The following ARMC3 variants were observed in gnomAD, a reference collection of about 807,000 sequenced individuals.
The protein encoded by ARMC3 is armadillo repeat containing 3, also known as armadillo repeat-containing protein 3.
Under a neutral mutation model 90.3 loss-of-function variants are expected in ARMC3, and 74 were observed. That is an observed-to-expected ratio of 0.82 (90% confidence interval 0.68 to 0.99). The LOEUF is 0.99. ARMC3 is among the 50% of genes least tolerant of loss of function. The probability of loss-of-function intolerance (pLI) is 0.00; values close to 1 mark genes in which losing one functional copy is unlikely to be tolerated. For missense variants in ARMC3, 958 were observed against 1,042.8 expected (o/e 0.92, Z 1.12); for synonymous variants, 334 against 361.8 (o/e 0.92, Z 0.87).
chr10:23,002,213 C>A (rs996304400), intron 12 of ARMC3, among the ~76,000 whole-genome samples, 158 bp downstream of exon 12: 1 of 152,230 alleles, frequency 6.6e-6, no homozygotes, highest in Non-Finnish European at 1.5e-5. Flanking sequence ...TTGGAAGGAA[C>A]CACCTGGAGG....
chr10:22,949,715 C>G (rs552113666), intron 3 of ARMC3, among the ~76,000 whole-genome samples: 1 of 152,196 alleles, frequency 6.6e-6, no homozygotes, highest in South Asian at 2.1e-4. Context: ...CAAACTTTCC[C>G]TAAATCTGAT....
intron 5 of ARMC3, 120 bp from the exon 6 acceptor site, chr10:22,959,277 TAA>T (rs1835090849): frequency 2.3e-6 from 3 of 1,328,524 alleles, no homozygotes; most frequent in Non-Finnish European, 3.1e-6. Flanking sequence ...TTTGAGTTTA[TAA>T]AAGAGGTGAG....
At chr10:22,972,666 C>A (rs1835726279) in intron 8 of ARMC3, among the ~76,000 whole-genome samples, 1 of 152,122 alleles carries the variant, frequency 6.6e-6, no homozygotes, top group South Asian at 2.1e-4. Context: ...CCGAAGAATT[C>A]AGATCTTGTT....
intron 8 of ARMC3, among the ~76,000 whole-genome samples, chr10:22,973,877 G>A (rs1835796901): frequency 6.8e-6 from 1 of 148,134 alleles, no homozygotes; most frequent in Admixed American, 6.8e-5. Context: ...TGCTGCCTCA[G>A]CCTCCCTAGT....
At chr10:22,937,033 G>T (rs966047640) in intron 2 of ARMC3, among the ~76,000 whole-genome samples, 1 of 151,976 alleles carries the variant, frequency 6.6e-6, no homozygotes, top group African/African-American at 2.4e-5. Flanking sequence ...CTCTTGAGTA[G>T]CCGGGACTAA....
chr10:22,931,366 A>G (rs1437258086), intron 1 of ARMC3, among the ~76,000 whole-genome samples: 2 of 152,230 alleles, frequency 1.3e-5, no homozygotes, highest in Non-Finnish European at 2.9e-5. Context: ...TCCCCAGAAT[A>G]TATCTCTTCA....
Position 22,998,131 on chromosome 10 carries a change from C to G in ARMC3, c.1176-17C>G. 1 of 1,609,102 alleles carries G rather than the reference C, an allele frequency of 6.2e-7. No homozygotes were observed. Among genetic ancestry groups the G allele is most frequent in the Non-Finnish European group, 8.5e-7 (1 of 1,176,792 alleles). ...GAATTCAGATGAATCACATTCATTT[C>G]TCTTTCATTTACTCAGCGCTGCTGC... On this transcript the variant is annotated splice_polypyrimidine_tract_variant and intron_variant, in intron 10 of 18. Coordinates refer to ENST00000298032, the MANE Select transcript of ARMC3 (RefSeq NM_173081.5).
chr10:22,939,334 T>C (rs1309676324), intron 2 of ARMC3, among the ~76,000 whole-genome samples: 1 of 152,180 alleles, frequency 6.6e-6, no homozygotes, highest in Non-Finnish European at 1.5e-5. Context: ...CTAATCTGTA[T>C]GGGGTGGAAC....
chr10:22,949,439 T>A (rs1445216916), intron 3 of ARMC3, among the ~76,000 whole-genome samples: 1 of 152,170 alleles, frequency 6.6e-6, no homozygotes, highest in East Asian at 1.9e-4. Flanking sequence ...CAAATACAAC[T>A]TCTAGAGATG....
At chr10:22,939,839 C>A (rs1047049565) in intron 2 of ARMC3, among the ~76,000 whole-genome samples, 1 of 151,926 alleles carries the variant, frequency 6.6e-6, no homozygotes, top group Non-Finnish European at 1.5e-5. Flanking sequence ...ACTAAAAAAA[C>A]CCAATCAACT....
At chr10:23,007,716 AAGAG>A (rs66842579) in intron 14 of ARMC3, among the ~76,000 whole-genome samples, 67,149 of 107,706 alleles carry the variant, frequency 0.62, 18,645 homozygotes, top group Non-Finnish European at 0.7. Context: ...AAAAAAAAAA[AAGAG>A]AGAGAGCGAG....
At chr10:22,969,549 T>C (rs554817216) in intron 8 of ARMC3, among the ~76,000 whole-genome samples, 2 of 152,366 alleles carry the variant, frequency 1.3e-5, no homozygotes, top group East Asian at 3.9e-4. Context: ...CAGTATGTAG[T>C]GTGCATAGAG....
chr10:23,006,909 CT>C lies in ARMC3; in HGVS notation c.1760del (p.Leu587Ter), dbSNP rs748082356. 5.6e-6 allele frequency: 9 copies of C among 1,614,040 alleles called. No homozygotes were observed. Among genetic ancestry groups the C allele is most frequent in the Non-Finnish European group, 7.6e-6 (9 of 1,179,956 alleles). On this transcript the variant is annotated frameshift_variant, in exon 14 of 19. Transcript: ENST00000298032. ...ATAAATCCCGGCACCAAACTGTTGC[CT>C]TTGAAGGAGCTCTGCTTACAAGAAC... ...GRINPGTKLL[P>X]LKELCLQEPS...
intron 3 of ARMC3, among the ~76,000 whole-genome samples, chr10:22,948,409 A>G (rs900591052): frequency 3.9e-5 from 6 of 152,302 alleles, no homozygotes; most frequent in Non-Finnish European, 7.4e-5. Flanking sequence ...CAATACAGAA[A>G]TAATTTTAAG....
chr10:22,953,710 G>A (rs1046621846), intron 3 of ARMC3, among the ~76,000 whole-genome samples: 1 of 152,150 alleles, frequency 6.6e-6, no homozygotes, highest in Non-Finnish European at 1.5e-5. Context: ...GAAATAGAAG[G>A]CATCCAGAAA....
intron 16 of ARMC3, among the ~76,000 whole-genome samples, chr10:23,012,062 T>C (rs1196776278): frequency 6.6e-6 from 1 of 152,190 alleles, no homozygotes; most frequent in Non-Finnish European, 1.5e-5. Flanking sequence ...ACACATCAGC[T>C]TTCATCTTTG....
At chr10:22,963,922 C>CAAAAAA (rs35508443) in intron 7 of ARMC3, among the ~76,000 whole-genome samples, 1 of 58,562 alleles carries the variant, frequency 1.7e-5, no homozygotes, top group African/African-American at 7.5e-5. Flanking sequence ...CACACACACA[C>CAAAAAA]AAAAAAAAAA....
chr10:22,952,007 C>A (rs1834756405), intron 3 of ARMC3, among the ~76,000 whole-genome samples: 1 of 152,022 alleles, frequency 6.6e-6, no homozygotes, highest in African/African-American at 2.4e-5. Flanking sequence ...CGTCTGTAGT[C>A]CCAGCTGCTT....
At chr10:22,949,415 C>A (rs1834655267) in intron 3 of ARMC3, among the ~76,000 whole-genome samples, 1 of 152,214 alleles carries the variant, frequency 6.6e-6, no homozygotes, top group Admixed American at 6.5e-5. Context: ...AACATGGAAG[C>A]TATAAGACAG....
Sources: gnomAD v4.1 joint callset for allele counts (sites outside exome capture counted in the v4.1 genomes callset) on GRCh38, gnomAD v4.1.1 for gene constraint, MANE v1.5 for transcripts, NCBI Gene and HGNC (gene_info 2026-07-23, HGNC 2026-07-21) for gene names.